The following GFPT2 variants were observed in gnomAD, a reference collection of about 807,000 sequenced individuals.
The protein encoded by GFPT2 is glutamine--fructose-6-phosphate aminotransferase [isomerizing] 2.
GFPT2 carries 62 observed loss-of-function variants against 85.6 expected under a neutral mutation model. That is an observed-to-expected ratio of 0.72 (90% CI 0.59 to 0.90). The LOEUF (loss-of-function observed/expected upper bound fraction) is 0.90, where lower values mean the gene tolerates loss of function less well. Among genes scored for constraint, GFPT2 ranks in the 40% least tolerant of loss-of-function variants. The pLI is 0.00. For missense variants in GFPT2, 788 were observed against 893.4 expected (o/e 0.88, Z 1.50); for synonymous variants, 368 against 344.5 (o/e 1.07, Z -0.75).
intron 15 of GFPT2, 148 bp from the exon 16 acceptor site, chr5:180,307,451 T>C (rs949091388): frequency 6.7e-5 from 50 of 743,704 alleles, no homozygotes; most frequent in Non-Finnish European, 1.1e-4. Context: ...CAAACGTAGA[T>C]TACAGGAAAT....
At chr5:180,349,222 G>A (rs1764664995) in intron 1 of GFPT2, among the ~76,000 whole-genome samples, 1 of 151,966 alleles carries the variant, frequency 6.6e-6, no homozygotes, top group Non-Finnish European at 1.5e-5. Flanking sequence ...TGGGAGGATG[G>A]CTTGAGCCCA....
At chr5:180,321,838 C>G (rs959178823) in intron 9 of GFPT2, among the ~76,000 whole-genome samples, 2 of 152,226 alleles carry the variant, frequency 1.3e-5, no homozygotes, top group East Asian at 1.9e-4. Flanking sequence ...GGCTGGAGTG[C>G]AGTGGCGCGA....
chr5:180,311,475 A>C (rs1460713961), intron 15 of GFPT2, among the ~76,000 whole-genome samples: 4 of 152,234 alleles, frequency 2.6e-5, no homozygotes. Flanking sequence ...CTCACCAGCT[A>C]CGACAGCTGC....
At chr5:180,319,776 C>T (rs960431449) in intron 9 of GFPT2, among the ~76,000 whole-genome samples, 3 of 152,088 alleles carry the variant, frequency 2.0e-5, no homozygotes, top group East Asian at 1.9e-4. Context: ...TGAATAAGAT[C>T]GAGCTTTTAA....
At chr5:180,309,675 GT>G (rs1227948839) in intron 15 of GFPT2, among the ~76,000 whole-genome samples, 13 of 152,162 alleles carry the variant, frequency 8.5e-5, no homozygotes, top group Non-Finnish European at 1.3e-4. Flanking sequence ...GCCTCCCAAA[GT>G]GCTGGGATTA....
intron 4 of GFPT2, among the ~76,000 whole-genome samples, chr5:180,332,257 G>C (rs1450211036): frequency 1.6e-5 from 2 of 122,388 alleles, no homozygotes; most frequent in Admixed American, 7.5e-5. Context: ...GGGGGGAGCA[G>C]GGGGATGCGG....
At chr5:180,345,982 C>A (rs1764600126) in intron 1 of GFPT2, among the ~76,000 whole-genome samples, 2 of 151,894 alleles carry the variant, frequency 1.3e-5, no homozygotes, top group Non-Finnish European at 2.9e-5. Context: ...CGCACAACAC[C>A]CCCGGCCCCA....
chr5:180,335,796 G>A, intron 4 of GFPT2, 32 bp downstream of exon 4: 1 of 1,595,120 alleles, frequency 6.3e-7, no homozygotes, highest in Non-Finnish European at 8.5e-7. Flanking sequence ...GGGTGAGGTG[G>A]AACCATGGGG....
Position 180,328,580 on chromosome 5 carries a change from C to T in GFPT2, c.535-242G>A, listed in dbSNP as rs1425246515. ...TCCACGGTGAGCGATGTGCGGCTTG[C>T]CCAGGCCCACAGGGAGCCCGGCAGG... On this transcript the variant is annotated intron_variant, in intron 6 of 18. Transcript: ENST00000253778. This position sits in a 1 kb window ranked among gnomAD's most constrained non-coding sequence, Gnocchi z 5.4. Among the ~76,000 whole-genome samples, 1 of 152,226 alleles carries T rather than the reference C, an allele frequency of 6.6e-6. No individual in the cohort carries two copies. Among genetic ancestry groups the T allele is most frequent in the Middle Eastern group, 3.2e-3 (1 of 316 alleles).
Position 180,328,299 on chromosome 5 carries a change from G to T in GFPT2, c.574C>A (p.Pro192Thr). ...FALVFKSVHY[P>T]GEAVATRRGS... ...CACCGTGTGGCAACGGCTTCTCCTG[G>T]GTAGTGGACACTCTTGAAAACCAGC... Residue 192 changes from proline (P) to threonine (T), a missense_variant, in exon 7 of 19, where the codon CCA becomes ACA. Coordinates refer to ENST00000253778, the MANE Select transcript of GFPT2 (RefSeq NM_005110.4). The surrounding 1 kb of genome is among the most constrained non-coding windows in gnomAD (Gnocchi z 5.4). 6.2e-7 allele frequency: 1 copy of T among 1,612,858 alleles called. No individual in the cohort carries two copies. Among genetic ancestry groups the T allele is most frequent in the Non-Finnish European group, 8.5e-7 (1 of 1,178,896 alleles).
In GFPT2 at chr5:180,328,437, G is replaced by A. The variant is rs976853109; in HGVS notation, c.535-99C>T. The A allele has an allele frequency of 4.9e-5, 44 of 904,826 alleles. No homozygotes were observed. The highest frequency in any genetic ancestry group is 7.4e-5 in the Non-Finnish European group (40 of 544,018). The allele number at this position is 904,826 out of a possible 1,614,324, so 56.0% of individuals were successfully genotyped here. A position where few individuals can be genotyped will look rare whatever the true frequency, so the allele number is the denominator to read the frequency against. On this transcript the variant is annotated intron_variant, in intron 6 of 18. Transcript: ENST00000253778. The surrounding 1 kb of genome is among the most constrained non-coding windows in gnomAD (Gnocchi z 5.4). The stretch of plus-strand genomic sequence containing the variant: ...GTCTCCCTGGGCCCCTCCTGATGGC[G>A]GGAGGTCCTGGGGTCCCTCGGGGAG...
chr5:180,313,680 G>A (rs1346142012), intron 14 of GFPT2, 127 bp downstream of exon 14: 1 of 595,688 alleles, frequency 1.7e-6, no homozygotes, highest in East Asian at 3.4e-5. Context: ...GGAGCGGAGA[G>A]AAGGGGTGAG....
At chr5:180,302,689 T>A in intron 17 of GFPT2, 105 bp from the exon 18 acceptor site, 8 of 844,734 alleles carry the variant, frequency 9.5e-6, no homozygotes, top group Non-Finnish European at 1.5e-5. Flanking sequence ...AGAACAGTCC[T>A]CTTTTGCATT....
Position 180,328,390 on chromosome 5 carries a change from A to G in GFPT2, c.535-52T>C. Reference sequence around the variant, plus strand: ...AACGCGTTCCAGCAGCCGCTGCTGCAGCCTGGCCACAGCCCAGGTGCGTCT... The same window carrying G: ...AACGCGTTCCAGCAGCCGCTGCTGCGGCCTGGCCACAGCCCAGGTGCGTCT... On this transcript the variant is annotated intron_variant, in intron 6 of 18. Transcript: ENST00000253778. The surrounding 1 kb of genome is among the most constrained non-coding windows in gnomAD (Gnocchi z 5.4). 6.9e-7 allele frequency: 1 copy of G among 1,447,676 alleles called. No individual in the cohort carries two copies. The allele number at this position is 1,447,676 out of a possible 1,614,324, so 89.7% of individuals were successfully genotyped here. A position where few individuals can be genotyped will look rare whatever the true frequency, so the allele number is the denominator to read the frequency against.
Position 180,350,430 on chromosome 5 carries a change from C to T in GFPT2, c.7+2781G>A, listed in dbSNP as rs1764691736. 2.6e-5 allele frequency among the ~76,000 whole-genome samples: 4 copies of T among 152,216 alleles called. No individual in the cohort carries two copies. In the South Asian group the frequency reaches 8.3e-4, roughly 31 times the overall value. On this transcript the variant is annotated intron_variant, in intron 1 of 18. Transcript: ENST00000253778. ...CGGCCAGTACTCTACCAGGCTGTAG[C>T]CCGTGCTCAAGGTCCTCCCTCCACA...
In GFPT2 at chr5:180,310,702, C is replaced by T. The variant is rs573300903; in HGVS notation, c.1546+1728G>A. On this transcript the variant is annotated intron_variant, in intron 15 of 18. Transcript: ENST00000253778. Reference sequence around the variant, plus strand: ...CTGGGATTACAGGCGTGAGCCACCGCGCCCGGCCATCAAGGCCATTCTTAA... The same window carrying T: ...CTGGGATTACAGGCGTGAGCCACCGTGCCCGGCCATCAAGGCCATTCTTAA... Among the ~76,000 whole-genome samples, 612 of 143,766 alleles carry T rather than the reference C, an allele frequency of 4.3e-3. 6 individuals are homozygous for T. Among genetic ancestry groups the T allele is most frequent in the African/African-American group, 0.017 (583 of 34,682 alleles). The allele number at this position is 143,766 out of a possible 152,430, so 94.3% of individuals were successfully genotyped here.
At chr5:180,331,372 G>C (rs764942844) in intron 5 of GFPT2, 123 bp downstream of exon 5, 18 of 664,676 alleles carry the variant, frequency 2.7e-5, no homozygotes, top group Admixed American at 2.4e-4. Flanking sequence ...ACACGGTGAC[G>C]TGGCTGAGTG....
In GFPT2 at chr5:180,328,219, G is replaced by A; in HGVS notation, c.596+58C>T. The A allele has an allele frequency of 7.8e-7, 1 of 1,285,648 alleles. No homozygotes were observed. The highest frequency in any genetic ancestry group is 1.2e-5 in the South Asian group (1 of 84,400). The allele number at this position is 1,285,648 out of a possible 1,614,324, so 79.6% of individuals were successfully genotyped here. ...GCCCTACCTCTCCCGTCTCCCTCCA[G>A]CTAAGTGATTTTATTTTCGTTCTTT... On this transcript the variant is annotated intron_variant, in intron 7 of 18. Coordinates refer to ENST00000253778, the MANE Select transcript of GFPT2 (RefSeq NM_005110.4). This position sits in a 1 kb window ranked among gnomAD's most constrained non-coding sequence, Gnocchi z 5.4.
chr5:180,301,282 C>T lies in GFPT2; in HGVS notation c.*282G>A. 1 of 474,510 alleles carries T rather than the reference C, an allele frequency of 2.1e-6. No homozygotes were observed. Among genetic ancestry groups the T allele is most frequent in the Non-Finnish European group, 3.7e-6 (1 of 270,704 alleles). The allele number at this position is 474,510 out of a possible 1,614,324, so 29.4% of individuals were successfully genotyped here. A position where few individuals can be genotyped will look rare whatever the true frequency, so the allele number is the denominator to read the frequency against. ...TGGTTATAAAAGGTTCACAGTTACT[C>T]TGAAGAGAGCTGTATCTCTATTGCA... On this transcript the variant is annotated 3_prime_UTR_variant, in exon 19 of 19. Transcript: ENST00000253778.
Sources: allele counts gnomAD v4.1 joint callset (sites outside exome capture counted in the v4.1 genomes callset), GRCh38; gene constraint gnomAD v4.1.1; non-coding constraint Gnocchi (gnomAD v3.1); transcripts MANE v1.5; gene names NCBI Gene and HGNC (gene_info 2026-07-23, HGNC 2026-07-21).